Variants in ISL2 observed in about 807,000 individuals in gnomAD.
ISL2 encodes the protein insulin gene enhancer protein ISL-2.
Under a neutral mutation model 34.6 loss-of-function variants are expected in ISL2, and 17 were observed. The observed-to-expected ratio is 0.49, with a 90% CI of 0.34 to 0.74. ISL2 has a LOEUF of 0.74. ISL2 is among the 30% of genes least tolerant of loss of function. The probability of loss-of-function intolerance (pLI) is 0.01; values close to 1 mark genes in which losing one functional copy is unlikely to be tolerated. For synonymous variants in ISL2, 232 were observed against 225.5 expected, an observed-to-expected ratio of 1.03 and a Z score of -0.26; for missense variants, 469 against 515.2, an observed-to-expected ratio of 0.91 and a Z score of 0.87.
chr15:76,337,855 C>A lies in ISL2; in HGVS notation c.136C>A (p.Leu46Ile). The change falls in exon 2 of 6, where the codon CTC (leucine) becomes ATC (isoleucine). Residue 46 changes from leucine (L) to isoleucine (I), a missense_variant. By Grantham distance (5) the Leu-to-Ile change is conservative (BLOSUM62 2). Coordinates refer to ENST00000290759, the MANE Select transcript of ISL2 (RefSeq NM_145805.3). ...GTTTATCCTGCGGGTGTCGCCCGAC[C>A]TCGAGTGGCACGCGGCCTGCCTCAA... ...DQFILRVSPDLEWHAACLKCA... is the reference protein window; with the variant it reads ...DQFILRVSPDIEWHAACLKCA... 3.1e-6 allele frequency: 5 copies of A among 1,612,548 alleles called. No homozygotes were observed. Among genetic ancestry groups the A allele is most frequent in the Non-Finnish European group, 4.2e-6 (5 of 1,179,614 alleles).
At position 76,341,200 on chromosome 15, in the gene ISL2, C is replaced by G; in HGVS notation, c.862C>G (p.Gln288Glu). ...GSPIRHENAV[Q>E]GSAVEVQTYQ... is the part of the protein sequence containing the mutation. The stretch of plus-strand genomic sequence containing the variant: ...TCCCATCCGCCATGAGAACGCCGTG[C>G]AGGGCAGCGCAGTGGAGGTGCAGAC... The change falls in exon 5 of 6, where the codon CAG (glutamine) becomes GAG (glutamate). Residue 288 changes from glutamine (Q) to glutamate (E), a missense_variant. Physicochemically the swap from Gln to Glu is conservative, Grantham distance 29 (BLOSUM62 2). Coordinates refer to ENST00000290759, the MANE Select transcript of ISL2 (RefSeq NM_145805.3). 1 of 1,612,666 alleles carries G rather than the reference C, an allele frequency of 6.2e-7. No individual in the cohort carries two copies. Among genetic ancestry groups the G allele is most frequent in the Non-Finnish European group, 8.5e-7 (1 of 1,179,832 alleles).
In ISL2 at chr15:76,342,095, C is replaced by T. The variant is rs2040198969; in HGVS notation, c.*260C>T. 2.9e-6 allele frequency: 1 copy of T among 339,062 alleles called. No individual in the cohort carries two copies. Among genetic ancestry groups the T allele is most frequent in the South Asian group, 5.2e-5 (1 of 19,266 alleles). 21.0% of individuals were successfully genotyped at this position (339,062 alleles called of 1,614,324 possible). The stretch of plus-strand genomic sequence containing the variant: ...TGGGACTTACCAGGGTTAGCTCTGC[C>T]CTCTCCTCTCCTCTCTACGTGGCCG... On this transcript the variant is annotated 3_prime_UTR_variant, in exon 6 of 6. Transcript: ENST00000290759.
intron 1 of ISL2, among the ~76,000 whole-genome samples, chr15:76,337,244 GGTT>G (rs1447917858): frequency 8.3e-6 from 1 of 119,864 alleles, no homozygotes; most frequent in African/African-American, 3.3e-5. Flanking sequence ...TTTTTTTTTT[GGTT>G]GTTGTTTGTT....
At chr15:76,337,446 C>A in intron 1 of ISL2, 1 of 350,308 alleles carries the variant, frequency 2.9e-6, no homozygotes. Context: ...GTGTTGATAT[C>A]CAGGCGTCCG....
Position 76,341,072 on chromosome 15 carries a change from C to G in ISL2, c.796-62C>G, listed in dbSNP as rs1834771191. On this transcript the variant is annotated intron_variant, in intron 4 of 5. Transcript: ENST00000290759. The stretch of plus-strand genomic sequence containing the variant: ...CACTCAAGGCCTGGAGCTCCAGTCT[C>G]AAAGGTGGCAGAAAAGGCCAGACCT... 2.1e-6 allele frequency: 3 copies of G among 1,455,814 alleles called. No individual in the cohort carries two copies. In the South Asian group the frequency reaches 4.1e-5, roughly 20 times the overall value. The allele number at this position is 1,455,814 out of a possible 1,614,324, so 90.2% of individuals were successfully genotyped here. A position where few individuals can be genotyped will look rare whatever the true frequency, so the allele number is the denominator to read the frequency against.
intron 1 of ISL2, chr15:76,337,539 G>T (rs2040159832): frequency 1.1e-5 from 5 of 467,118 alleles, no homozygotes; most frequent in Non-Finnish European, 1.9e-5. Flanking sequence ...TGTCATTAAT[G>T]AATGTAATAA....
In ISL2 at chr15:76,337,924, T is replaced by G. The variant is rs768177545; in HGVS notation, c.205T>G (p.Phe69Val). The change falls in exon 2 of 6, where the codon TTC (phenylalanine) becomes GTC (valine). Residue 69 changes from phenylalanine (F) to valine (V), a missense_variant. By Grantham distance (50) the Phe-to-Val change is conservative (BLOSUM62 -1). Transcript: ENST00000290759. Reference sequence around the variant, plus strand: ...GTACCTGGACGAGACGTGCACGTGCTTCGTGAGAGACGGGAAGACCTACTG... The same window carrying G: ...GTACCTGGACGAGACGTGCACGTGCGTCGTGAGAGACGGGAAGACCTACTG... The part of the protein sequence containing the change: ...SQYLDETCTC[F>V]VRDGKTYCKR... 5 of 1,610,816 alleles carry G rather than the reference T, an allele frequency of 3.1e-6. No homozygotes were observed. The highest frequency in any genetic ancestry group is 8.5e-7 in the Non-Finnish European group (1 of 1,178,784).
chr15:76,341,622 T>C lies in ISL2; in HGVS notation c.964-97T>C, dbSNP rs952482585. 4.3e-6 allele frequency: 4 copies of C among 936,664 alleles called. No individual in the cohort carries two copies. In the Admixed American group the frequency reaches 5.3e-5, roughly 12 times the overall value. The allele number at this position is 936,664 out of a possible 1,614,324, so 58.0% of individuals were successfully genotyped here. On this transcript the variant is annotated intron_variant, in intron 5 of 5. Transcript: ENST00000290759. ...GGGCTTGCTCTCAGCTGGCGGCCGGTCCCCAAGGGACACTTTCCGACTCGG... is the reference window on the plus strand; with the variant it reads ...GGGCTTGCTCTCAGCTGGCGGCCGGCCCCCAAGGGACACTTTCCGACTCGG...
At chr15:76,338,570 G>C in intron 3 of ISL2, 56 bp downstream of exon 3, 1 of 1,274,438 alleles carries the variant, frequency 7.8e-7, no homozygotes. Flanking sequence ...GTGCGTGTGT[G>C]TAGGGGTACG....
At chr15:76,341,418 A>G in intron 5 of ISL2, 117 bp downstream of exon 5, 1 of 437,318 alleles carries the variant, frequency 2.3e-6, no homozygotes. Context: ...GTACAGCCCT[A>G]GGCGGTGGGG....
chr15:76,342,402 TGTTA>T lies in ISL2; in HGVS notation c.*568_*571del, dbSNP rs2040201697. 2 of 152,456 alleles carry T rather than the reference TGTTA, an allele frequency of 1.3e-5. 1 individual carries two copies. Among genetic ancestry groups the T allele is most frequent in the Admixed American group, 1.3e-4 (2 of 15,304 alleles). 9.4% of individuals were successfully genotyped at this position (152,456 alleles called of 1,614,324 possible). ...TGCCGAACAAACAAACGTAAGTTAT[TGTTA>T]TTTATTGTGAGAACAGCCAGTTCAT... On this transcript the variant is annotated 3_prime_UTR_variant, in exon 6 of 6. Coordinates refer to ENST00000290759, the MANE Select transcript of ISL2 (RefSeq NM_145805.3).
chr15:76,338,549 G>T (rs2040170088), intron 3 of ISL2, 35 bp downstream of exon 3: 1 of 1,290,046 alleles, frequency 7.8e-7, no homozygotes, highest in Non-Finnish European at 9.8e-7. Context: ...GGGTGAGCGG[G>T]GTGTATGTGC....
Position 76,336,887 on chromosome 15 carries a change from G to A in ISL2, c.4G>A (p.Val2Met), listed in dbSNP as rs1596239299. The part of the protein sequence containing the change: M[V>M]DIIFHYPFLG... Reference sequence around the variant, plus strand: ...TTGCGCACATCTCTTTTTCTGCATGGTGGATATTATTTTTCATTATCCTTT... The same window carrying A: ...TTGCGCACATCTCTTTTTCTGCATGATGGATATTATTTTTCATTATCCTTT... The change falls in exon 1 of 6, where the codon GTG (valine) becomes ATG (methionine). Residue 2 changes from valine (V) to methionine (M), a missense_variant. This residue lies in a region of ISL2 where 297 missense variants were observed against 337.8 expected (regional missense o/e 0.88). Coordinates refer to ENST00000290759, the MANE Select transcript of ISL2 (RefSeq NM_145805.3). The A allele has an allele frequency of 6.2e-7, 1 of 1,613,184 alleles. No individual in the cohort carries two copies. Among genetic ancestry groups the A allele is most frequent in the Non-Finnish European group, 8.5e-7 (1 of 1,179,138 alleles).
intron 1 of ISL2, 197 bp from the exon 2 acceptor site, chr15:76,337,581 C>A: frequency 4.2e-6 from 2 of 479,146 alleles, no homozygotes; most frequent in South Asian, 3.8e-5. Flanking sequence ...CAGAAGAAAC[C>A]TTCAGCAATC....
intron 3 of ISL2, chr15:76,339,340 T>G: frequency 1.0e-6 from 1 of 984,942 alleles, no homozygotes; most frequent in South Asian, 4.7e-5. Flanking sequence ...GGGCTATTTG[T>G]AAATATTTGT....
chr15:76,338,104 C>T, intron 2 of ISL2, 137 bp downstream of exon 2: 1 of 1,334,354 alleles, frequency 7.5e-7, no homozygotes, highest in Non-Finnish European at 9.8e-7. Context: ...CCGCAGCGCT[C>T]CCCCGGGCCC....
chr15:76,339,971 G>A (rs1329278432), intron 3 of ISL2: 12 of 1,206,182 alleles, frequency 9.9e-6, no homozygotes, highest in Non-Finnish European at 1.1e-5. Context: ...GCGACTGGAG[G>A]AGGCACATCC....
chr15:76,338,626 G>T, intron 3 of ISL2, 112 bp downstream of exon 3: 1 of 1,237,302 alleles, frequency 8.1e-7, no homozygotes, highest in Non-Finnish European at 1.0e-6. Flanking sequence ...GGTTCCGTCT[G>T]CCGGGATAGT....
intron 4 of ISL2, 120 bp from the exon 5 acceptor site, chr15:76,341,014 G>A (rs2040188924): frequency 1.0e-6 from 1 of 981,906 alleles, no homozygotes. Flanking sequence ...GATCGAGTGT[G>A]CGCCTCCCCG....
Sources: gnomAD v4.1 joint callset for allele counts (sites outside exome capture counted in the v4.1 genomes callset) on GRCh38, gnomAD v4.1.1 for gene constraint, gnomAD v4.1.1 regional missense constraint, MANE v1.5 for transcripts, NCBI Gene and HGNC (gene_info 2026-07-23, HGNC 2026-07-21) for gene names.